NBEA: variants seen among roughly 807,000 people sequenced by gnomAD.
NBEA encodes lysosomal-trafficking regulator 2.
A neutral mutation model predicts 343.4 loss-of-function variants in NBEA; 44 were observed. That is an observed-to-expected ratio of 0.13 (90% CI 0.10 to 0.16). The LOEUF is 0.16. Among genes scored for constraint, NBEA ranks in the 10% least tolerant of loss-of-function variants. NBEA has a pLI of 1.00. For missense variants in NBEA, 2,555 were observed against 3,631.3 expected (o/e 0.70, Z 7.62); for synonymous variants, 1,175 against 1,238.7 (o/e 0.95, Z 1.08).
At chr13:35,297,955 G>A (rs1258798806) in intron 35 of NBEA, among the ~76,000 whole-genome samples, 1 of 151,354 alleles carries the variant, frequency 6.6e-6, no homozygotes, top group Non-Finnish European at 1.5e-5. Flanking sequence ...AGGTTAGGGA[G>A]GCCAGTCCCC....
chr13:35,022,934 TTATC>T (rs1388926914), intron 1 of NBEA, among the ~76,000 whole-genome samples: 10 of 152,156 alleles, frequency 6.6e-5, no homozygotes, highest in East Asian at 3.8e-4. Context: ...TCATATAGCT[TTATC>T]TAGAAGAAGA....
At chr13:35,454,006 G>GTCAT (rs1456860825) in intron 40 of NBEA, among the ~76,000 whole-genome samples, 5 of 152,208 alleles carry the variant, frequency 3.3e-5, no homozygotes, top group Non-Finnish European at 5.9e-5. Flanking sequence ...TAATGGATTT[G>GTCAT]TCATTGAGCA....
chr13:35,195,926 A>T lies in NBEA; in HGVS notation c.4990A>T (p.Ile1664Phe). Residue 1664 changes from isoleucine to phenylalanine, a missense_variant, in exon 31 of 59, where the codon ATT becomes TTT. Physicochemically the swap from Ile to Phe is conservative, Grantham distance 21. Coordinates refer to ENST00000379939, the MANE Select transcript of NBEA (RefSeq NM_001385012.1). ...AGAAACACCAACTCCTGGTGAAGAT[A>T]TTCAGGTAGAAAGTTCAATTCCCCA... ...EKETPTPGED[I>F]QVESSIPHTD... The T allele has an allele frequency of 6.2e-7, 1 of 1,613,296 alleles. No individual in the cohort carries two copies.
At chr13:35,666,828 T>C (rs993830803) in intron 56 of NBEA, among the ~76,000 whole-genome samples, 9 of 152,328 alleles carry the variant, frequency 5.9e-5, no homozygotes, top group African/African-American at 1.9e-4. Context: ...ACTATTCATT[T>C]ATTTGAAAGA....
chr13:35,417,993 A>G (rs2044034581), intron 38 of NBEA, among the ~76,000 whole-genome samples: 1 of 152,148 alleles, frequency 6.6e-6, no homozygotes, highest in Non-Finnish European at 1.5e-5. Flanking sequence ...ACCATTATGT[A>G]ATGACCTTCT....
At chr13:35,028,937 T>C (rs2062107003) in intron 1 of NBEA, among the ~76,000 whole-genome samples, 1 of 151,774 alleles carries the variant, frequency 6.6e-6, no homozygotes, top group African/African-American at 2.4e-5. Flanking sequence ...TGCTGTAGCA[T>C]GTATCAGAAC....
At position 35,070,730 on chromosome 13, in the gene NBEA, G is replaced by A. The variant is rs369549807; in HGVS notation, c.1449G>A (p.Ala483=). The A allele has an allele frequency of 6.9e-6, 11 of 1,584,240 alleles. No individual in the cohort carries two copies. The highest frequency in any genetic ancestry group is 2.3e-4 in the Middle Eastern group (1 of 4,332). The stretch of plus-strand genomic sequence containing the variant: ...GTTTTTGGACATAGGATGTGAAAGC[G>A]ATAGTAACACATTCAATTCATAGTG... ...PHALMLQDVK[A]IVTHSIHSAI... The change falls in exon 10 of 59, where the codon GCG becomes GCA. Residue 483 remains alanine (A), a synonymous_variant. Transcript: ENST00000379939.
chr13:35,333,557 T>C (rs184225775), intron 36 of NBEA, among the ~76,000 whole-genome samples: 60 of 152,206 alleles, frequency 3.9e-4, no homozygotes, highest in Admixed American at 1.7e-3. Flanking sequence ...AATTATACTT[T>C]TAGTTATTTT....
chr13:35,638,831 C>T (rs923739981), intron 49 of NBEA, among the ~76,000 whole-genome samples: 5 of 152,230 alleles, frequency 3.3e-5, no homozygotes, highest in South Asian at 4.2e-4. Flanking sequence ...ATTTTCTCTC[C>T]GGAGGAAATG....
chr13:35,398,031 A>C lies in NBEA; in HGVS notation c.6180-34238A>C, dbSNP rs192205863. 2.3e-3 allele frequency among the ~76,000 whole-genome samples: 344 copies of C among 152,248 alleles called. 1 individual carries two copies. The highest frequency in any genetic ancestry group is 7.8e-3 in the African/African-American group (326 of 41,554). On this transcript the variant is annotated intron_variant, in intron 38 of 58. Transcript: ENST00000379939. ...TAGAACTTCTTTCAAAATTGGAGTCAGTCCTCTCAAACCCTGCAGCTGCTT... is the reference window on the plus strand; with the variant it reads ...TAGAACTTCTTTCAAAATTGGAGTCCGTCCTCTCAAACCCTGCAGCTGCTT...
chr13:35,215,612 A>G (rs541377524), intron 33 of NBEA, among the ~76,000 whole-genome samples: 26 of 151,724 alleles, frequency 1.7e-4, no homozygotes, highest in Admixed American at 2.6e-4. Flanking sequence ...TGATTTTTAT[A>G]TATTGATTTT....
intron 16 of NBEA, among the ~76,000 whole-genome samples, chr13:35,120,968 A>C (rs1327881868): frequency 6.6e-6 from 1 of 152,204 alleles, no homozygotes; most frequent in Admixed American, 6.5e-5. Context: ...AACATTAGTC[A>C]TAATTTCTCT....
At chr13:35,652,514 A>C (rs555306558) in intron 53 of NBEA, among the ~76,000 whole-genome samples, 2 of 148,648 alleles carry the variant, frequency 1.3e-5, no homozygotes, top group African/African-American at 4.9e-5. Flanking sequence ...GGTGGCGGGC[A>C]CCTGTAGTCC....
At chr13:35,219,705 A>G (rs1277169074) in intron 33 of NBEA, among the ~76,000 whole-genome samples, 1 of 152,154 alleles carries the variant, frequency 6.6e-6, no homozygotes, top group Non-Finnish European at 1.5e-5. Flanking sequence ...AGCCAGTGAT[A>G]CAAGTTCCTA....
chr13:35,156,172 A>G lies in NBEA; in HGVS notation c.2617A>G (p.Ile873Val). 1.3e-6 allele frequency: 2 copies of G among 1,590,616 alleles called. No individual in the cohort carries two copies. ...TCGTCGTTTATTTTTATCTGATATG[A>G]TAAAACTTTTCAGTAACAGCCGTGA... ...EVRRLFLSDM[I>V]KLFSNSRENR... Residue 873 changes from isoleucine to valine, a missense_variant, in exon 20 of 59, where the codon ATA (isoleucine) becomes GTA (valine). Coordinates refer to ENST00000379939, the MANE Select transcript of NBEA (RefSeq NM_001385012.1).
At chr13:35,524,864 T>C (rs1022480252) in intron 41 of NBEA, among the ~76,000 whole-genome samples, 4 of 152,188 alleles carry the variant, frequency 2.6e-5, no homozygotes, top group Non-Finnish European at 5.9e-5. Context: ...ACACAAGGTA[T>C]TGCAAGAATA....
chr13:35,340,235 A>G (rs192906346), intron 36 of NBEA, among the ~76,000 whole-genome samples: 8 of 152,258 alleles, frequency 5.3e-5, no homozygotes, highest in Admixed American at 1.3e-4. Context: ...CAAAATGCCC[A>G]TTGACAAGTG....
intron 41 of NBEA, among the ~76,000 whole-genome samples, chr13:35,521,336 A>G (rs940437834): frequency 1.3e-5 from 2 of 152,190 alleles, no homozygotes; most frequent in African/African-American, 2.4e-5. Flanking sequence ...TTTCACCCAC[A>G]GGTTCTAATT....
At chr13:35,112,252 T>C (rs1235436109) in intron 13 of NBEA, among the ~76,000 whole-genome samples, 1 of 152,086 alleles carries the variant, frequency 6.6e-6, no homozygotes, top group African/African-American at 2.4e-5. Flanking sequence ...TTATTTATAC[T>C]CAGATCTGTT....
Sources: gnomAD v4.1 joint callset for allele counts (sites outside exome capture counted in the v4.1 genomes callset) on GRCh38, gnomAD v4.1.1 for gene constraint, MANE v1.5 for transcripts, NCBI Gene and HGNC (gene_info 2026-07-23, HGNC 2026-07-21) for gene names.